The following NFE2L2 variants were observed in gnomAD, a reference collection of about 807,000 sequenced individuals.
NFE2L2 encodes nuclear factor erythroid 2-related factor 2.
NFE2L2 carries 20 observed loss-of-function variants against 49.6 expected under a neutral mutation model. The observed-to-expected ratio is 0.40, with a 90% CI of 0.28 to 0.59. The LOEUF is 0.59. NFE2L2 is among the 20% of genes least tolerant of loss of function. The pLI is 0.40. For missense variants in NFE2L2, 578 were observed against 714.2 expected (o/e 0.81, Z 2.17); for synonymous variants, 244 against 256.5 (o/e 0.95, Z 0.47).
At chr2:177,252,463 A>T (rs545981572) in intron 1 of NFE2L2, among the ~76,000 whole-genome samples, 1 of 152,356 alleles carries the variant, frequency 6.6e-6, no homozygotes, top group South Asian at 2.1e-4. Flanking sequence ...AAATATTGCT[A>T]ATCATTGTAA....
intron 3 of NFE2L2, chr2:177,233,016 T>C (rs1689611651): frequency 1.9e-6 from 1 of 515,944 alleles, no homozygotes; most frequent in Non-Finnish European, 3.4e-6. Context: ...GGCTATGCAA[T>C]AGTCAATGGT....
At chr2:177,239,693 A>C (rs1689877542) in intron 1 of NFE2L2, among the ~76,000 whole-genome samples, 1 of 152,130 alleles carries the variant, frequency 6.6e-6, no homozygotes, top group African/African-American at 2.4e-5. Context: ...AAGTTTATGT[A>C]ATGTTTTTTC....
At chr2:177,262,469 T>G (rs2105499321) in intron 1 of NFE2L2, among the ~76,000 whole-genome samples, 1 of 152,354 alleles carries the variant, frequency 6.6e-6, no homozygotes, top group African/African-American at 2.4e-5. Flanking sequence ...CTGGAGAGTT[T>G]TTTTTGACAA....
intron 1 of NFE2L2, among the ~76,000 whole-genome samples, chr2:177,252,018 G>A (rs1296116845): frequency 1.6e-4 from 17 of 108,672 alleles, no homozygotes; most frequent in African/African-American, 2.0e-4. Flanking sequence ...AAAAAAAAAA[G>A]GGATTTTTTT....
intron 1 of NFE2L2, among the ~76,000 whole-genome samples, chr2:177,242,102 C>T (rs1350892654): frequency 6.6e-6 from 1 of 152,136 alleles, no homozygotes. Context: ...TTTCTATTTC[C>T]CACATTCCAG....
At chr2:177,241,507 T>C (rs1304642510) in intron 1 of NFE2L2, among the ~76,000 whole-genome samples, 1 of 152,178 alleles carries the variant, frequency 6.6e-6, no homozygotes, top group Non-Finnish European at 1.5e-5. Flanking sequence ...ATAAACCAAA[T>C]TAAGAGCTAT....
At chr2:177,245,067 C>G (rs570578161) in intron 1 of NFE2L2, among the ~76,000 whole-genome samples, 53 of 151,098 alleles carry the variant, frequency 3.5e-4, no homozygotes, top group African/African-American at 1.1e-3. Context: ...CTTCGTCTCC[C>G]TTCTTGGTGG....
intron 1 of NFE2L2, among the ~76,000 whole-genome samples, chr2:177,237,552 T>G (rs1689792677): frequency 6.6e-6 from 1 of 152,224 alleles, no homozygotes; most frequent in Admixed American, 6.5e-5. Context: ...GGAGTCTCGC[T>G]CTGTCGCCCA....
intron 1 of NFE2L2, among the ~76,000 whole-genome samples, chr2:177,239,652 G>T (rs1289913290): frequency 6.6e-6 from 1 of 152,112 alleles, no homozygotes; most frequent in Non-Finnish European, 1.5e-5. Context: ...ACTCCAGCCT[G>T]GGTAACAAAG....
At position 177,234,654 on chromosome 2, in the gene NFE2L2, G is replaced by T. The variant is rs1295909003; in HGVS notation, c.46-383C>A. On this transcript the variant is annotated intron_variant, in intron 1 of 4. Transcript: ENST00000397062. ...GCCACTGGCTTATATAAGAGAAGTG[G>T]GGTCTGGAAAACATTACTGAATACA... Among the ~76,000 whole-genome samples the T allele has an allele frequency of 3.3e-5, 5 of 152,320 alleles. 1 individual carries two copies. In the South Asian group the frequency reaches 1.0e-3, roughly 32 times the overall value.
Position 177,264,586 on chromosome 2 carries a change from T to C in NFE2L2, c.-10A>G, listed in dbSNP as rs1375473348. On this transcript the variant is annotated 5_prime_UTR_variant, in exon 1 of 5. Transcript: ENST00000397062. ...GCTCCAAGTCCATCATGATGAGCTG[T>C]GGACCGTGTGTTGGGGCTCCCCGAC... 6.8e-7 allele frequency: 1 copy of C among 1,478,278 alleles called. No individual in the cohort carries two copies. The highest frequency in any genetic ancestry group is 2.4e-5 in the Admixed American group (1 of 42,400). 91.6% of individuals were successfully genotyped at this position (1,478,278 alleles called of 1,614,324 possible). A position where few individuals can be genotyped will look rare whatever the true frequency, so the allele number is the denominator to read the frequency against.
At chr2:177,233,414 T>G in intron 2 of NFE2L2, 75 bp from the exon 3 acceptor site, 1 of 1,059,518 alleles carries the variant, frequency 9.4e-7, no homozygotes, top group Non-Finnish European at 1.4e-6. Context: ...ATTCAATAAT[T>G]GATGTTCATA....
chr2:177,231,697 A>C lies in NFE2L2; in HGVS notation c.906T>G (p.Pro302=). 6.2e-7 allele frequency: 1 copy of C among 1,614,196 alleles called. No individual in the cohort carries two copies. Among genetic ancestry groups the C allele is most frequent in the Non-Finnish European group, 8.5e-7 (1 of 1,180,020 alleles). ...EPSISNSMPS[P]ATLSHSLSEL... ...CAGAGAGTGAATGGCTTAAAGTAGC[A>C]GGTGAGGGCATGCTGTTGCTGATAC... The change falls in exon 5 of 5, where the codon CCT becomes CCG. Residue 302 remains proline (P), a synonymous_variant. Transcript: ENST00000397062.
chr2:177,263,865 C>T (rs1423881775), intron 1 of NFE2L2: 1 of 985,416 alleles, frequency 1.0e-6, no homozygotes, highest in Non-Finnish European at 1.2e-6. Flanking sequence ...TTAAGGCGCT[C>T]CTCCCTCGTC....
intron 1 of NFE2L2, among the ~76,000 whole-genome samples, chr2:177,236,564 G>A (rs1689757909): frequency 6.6e-6 from 1 of 152,126 alleles, no homozygotes. Flanking sequence ...CTGTTATACA[G>A]TATAAGAATA....
intron 1 of NFE2L2, among the ~76,000 whole-genome samples, chr2:177,252,941 T>G (rs142761256): frequency 1.7e-3 from 258 of 152,346 alleles, no homozygotes; most frequent in African/African-American, 5.9e-3. Context: ...ACATCCAGTT[T>G]ACCTGCCCTG....
rs143406266 is a variant in NFE2L2 at position 177,264,662 on chromosome 2, T to TGGCGGCGGCGGC, written c.-98_-87dup. On this transcript the variant is annotated 5_prime_UTR_variant, in exon 1 of 5. Coordinates refer to ENST00000397062, the MANE Select transcript of NFE2L2 (RefSeq NM_006164.5). ...CGCGGCGCGGACAGGGCGGCTCTGG[T>TGGCGGCGGCGGC]GGCGGCGGCGGCGGCGGTGGCGGCT... The TGGCGGCGGCGGC allele has an allele frequency of 2.5e-5, 29 of 1,176,946 alleles. No individual in the cohort carries two copies. The African/African-American group carries it at 4.0e-4, about 16-fold the overall frequency. 72.9% of individuals were successfully genotyped at this position (1,176,946 alleles called of 1,614,324 possible).
At chr2:177,237,665 C>T (rs976731331) in intron 1 of NFE2L2, among the ~76,000 whole-genome samples, 8 of 152,126 alleles carry the variant, frequency 5.3e-5, no homozygotes, top group African/African-American at 1.9e-4. Context: ...ATTACAGGTG[C>T]GTGCCACCAT....
chr2:177,256,522 G>GAAAAAAAAAAAAAAAAA (rs1690531280), intron 1 of NFE2L2, among the ~76,000 whole-genome samples: 1 of 118,070 alleles, frequency 8.5e-6, no homozygotes. Context: ...AAAAAAAAAG[G>GAAAAAAAAAAAAAAAAA]AAAGGACATT....
Sources: gnomAD v4.1 joint callset for allele counts (sites outside exome capture counted in the v4.1 genomes callset) on GRCh38, gnomAD v4.1.1 for gene constraint, MANE v1.5 for transcripts, NCBI Gene and HGNC (gene_info 2026-07-23, HGNC 2026-07-21) for gene names.